ATF7IP2: variants seen among roughly 807,000 people sequenced by gnomAD.
The protein encoded by ATF7IP2 is activating transcription factor 7-interacting protein 2.
A neutral mutation model predicts 64.2 loss-of-function variants in ATF7IP2; 42 were observed. The observed-to-expected ratio is 0.65, with a 90% CI of 0.51 to 0.85. ATF7IP2 has a LOEUF of 0.85. Among genes scored for constraint, ATF7IP2 ranks in the 40% least tolerant of loss-of-function variants. The probability of loss-of-function intolerance (pLI) is 0.00; values close to 1 mark genes in which losing one functional copy is unlikely to be tolerated. For synonymous variants in ATF7IP2, 308 were observed against 272.8 expected (o/e 1.13, Z -1.27); for missense variants, 933 against 784.2 (o/e 1.19, Z -2.27).
chr16:10,474,051 C>A, intron 12 of ATF7IP2, 62 bp downstream of exon 12: 1 of 1,079,914 alleles, frequency 9.3e-7, no homozygotes, highest in Non-Finnish European at 1.4e-6. Context: ...ACTCATAATG[C>A]ACTGGGTCTA....
intron 6 of ATF7IP2, 29 bp downstream of exon 6, chr16:10,433,678 T>G: frequency 6.2e-7 from 1 of 1,607,710 alleles, no homozygotes; most frequent in Non-Finnish European, 8.5e-7. Context: ...AATGGAACTT[T>G]TACTTTTGAT....
At chr16:10,453,613 T>C (rs754003395) in intron 8 of ATF7IP2, among the ~76,000 whole-genome samples, 2 of 152,120 alleles carry the variant, frequency 1.3e-5, no homozygotes, top group Non-Finnish European at 2.9e-5. Context: ...GCAAGGAGCT[T>C]TCTTTGTTTA....
At chr16:10,392,206 A>T (rs912250193) in intron 1 of ATF7IP2, among the ~76,000 whole-genome samples, 6 of 151,668 alleles carry the variant, frequency 4.0e-5, no homozygotes, top group African/African-American at 1.5e-4. Flanking sequence ...ATGCCCAGCT[A>T]ATTTTTGTAC....
At chr16:10,398,967 G>T (rs1405448526) in intron 1 of ATF7IP2, among the ~76,000 whole-genome samples, 1 of 152,158 alleles carries the variant, frequency 6.6e-6, no homozygotes, top group Non-Finnish European at 1.5e-5. Context: ...TGCAAAATTA[G>T]CTGGGCGTGG....
intron 12 of ATF7IP2, among the ~76,000 whole-genome samples, chr16:10,480,294 TC>T (rs1318112063): frequency 3.9e-5 from 6 of 151,994 alleles, no homozygotes; most frequent in Non-Finnish European, 2.9e-5. Context: ...TTGTTTTCAA[TC>T]CATTCTTTTG....
At chr16:10,463,146 A>G (rs139767045) in intron 9 of ATF7IP2, among the ~76,000 whole-genome samples, 5 of 152,276 alleles carry the variant, frequency 3.3e-5, no homozygotes, top group East Asian at 1.9e-4. Flanking sequence ...GCTGTTTTAC[A>G]TCTTTGTCCT....
rs370929186 is a variant in ATF7IP2 at position 10,414,891 on chromosome 16, T to A, written c.-203+279T>A. 1.9e-4 allele frequency among the ~76,000 whole-genome samples: 29 copies of A among 152,242 alleles called. No individual in the cohort carries two copies. The East Asian group carries it at 4.6e-3, about 24-fold the overall frequency. On this transcript the variant is annotated intron_variant, in intron 2 of 13. Coordinates refer to ENST00000562102, the MANE Select transcript of ATF7IP2 (RefSeq NM_001393719.1). ...TGAGCTGTAGTGATTGTTATCTCTC[T>A]TTAAAATTAAATACCTAGTAACTAA...
intron 7 of ATF7IP2, among the ~76,000 whole-genome samples, chr16:10,439,459 C>A (rs1435466401): frequency 6.6e-6 from 1 of 151,186 alleles, no homozygotes; most frequent in African/African-American, 2.4e-5. Flanking sequence ...TGGTCTCAAT[C>A]TCCTGACCTC....
At position 10,430,611 on chromosome 16, in the gene ATF7IP2, G is replaced by A; in HGVS notation, c.-10G>A. ...TTAAATATGATGTCTTAAATTCCAGGATATGAAAGATGGCAAGTCCAGATA... is the reference window on the plus strand; with the variant it reads ...TTAAATATGATGTCTTAAATTCCAGAATATGAAAGATGGCAAGTCCAGATA... On this transcript the variant is annotated splice_region_variant and 5_prime_UTR_variant, in exon 5 of 14. Transcript: ENST00000562102. 1 of 1,581,804 alleles carries A rather than the reference G, an allele frequency of 6.3e-7. No individual in the cohort carries two copies. Among genetic ancestry groups the A allele is most frequent in the East Asian group, 2.3e-5 (1 of 44,406 alleles).
intron 6 of ATF7IP2, among the ~76,000 whole-genome samples, chr16:10,437,353 GC>G (rs1272668937): frequency 6.6e-6 from 1 of 152,146 alleles, no homozygotes; most frequent in Non-Finnish European, 1.5e-5. Flanking sequence ...GCTCTAACTA[GC>G]TGAGCTAACC....
Position 10,430,769 on chromosome 16 carries a change from A to G in ATF7IP2, c.149A>G (p.Asn50Ser), listed in dbSNP as rs764546516. Residue 50 changes from asparagine to serine, a missense_variant, in exon 5 of 14, where the codon AAT becomes AGT. Coordinates refer to ENST00000562102, the MANE Select transcript of ATF7IP2 (RefSeq NM_001393719.1). Reference sequence around the variant, plus strand: ...ATTGGGAGTAATGTTCCAAGCGGTAATCAGAGTTTCAGTCCTAGTGTCATA... The same window carrying G: ...ATTGGGAGTAATGTTCCAAGCGGTAGTCAGAGTTTCAGTCCTAGTGTCATA... ...TAIGSNVPSG[N>S]QSFSPSVITR... is the part of the protein sequence containing the mutation. The G allele has an allele frequency of 1.2e-6, 2 of 1,609,494 alleles. No homozygotes were observed. Among genetic ancestry groups the G allele is most frequent in the East Asian group, 2.2e-5 (1 of 44,630 alleles).
intron 8 of ATF7IP2, among the ~76,000 whole-genome samples, chr16:10,453,050 C>T (rs1481185079): frequency 5.3e-5 from 8 of 152,170 alleles, no homozygotes; most frequent in Non-Finnish European, 1.2e-4. Context: ...CGAGCCAGAA[C>T]ACTTGGCTCC....
intron 9 of ATF7IP2, among the ~76,000 whole-genome samples, chr16:10,463,314 C>T (rs937106529): frequency 1.3e-5 from 2 of 152,186 alleles, no homozygotes; most frequent in Non-Finnish European, 2.9e-5. Flanking sequence ...TTAAATATGT[C>T]CACAAATTTT....
intron 3 of ATF7IP2, among the ~76,000 whole-genome samples, chr16:10,421,615 A>C (rs2047990340): frequency 6.6e-6 from 1 of 152,178 alleles, no homozygotes. Flanking sequence ...TAGTAGTCTG[A>C]ATTTTGTCAG....
chr16:10,460,304 AAGGAG>A (rs2049331980), intron 9 of ATF7IP2, among the ~76,000 whole-genome samples: 1 of 152,198 alleles, frequency 6.6e-6, no homozygotes, highest in East Asian at 1.9e-4. Context: ...GGTGTGGACA[AAGGAG>A]TATTATATTT....
intron 1 of ATF7IP2, among the ~76,000 whole-genome samples, chr16:10,405,477 C>T (rs1232815012): frequency 6.6e-6 from 1 of 152,212 alleles, no homozygotes; most frequent in African/African-American, 2.4e-5. Flanking sequence ...TTGTAAGCCC[C>T]CCACCATTTT....
intron 1 of ATF7IP2, among the ~76,000 whole-genome samples, chr16:10,405,304 A>T (rs1371705600): frequency 4.6e-5 from 7 of 152,030 alleles, no homozygotes; most frequent in African/African-American, 1.7e-4. Flanking sequence ...CAGGAGGCGG[A>T]GGTTGCAGTG....
At chr16:10,437,618 G>GGCTT (rs1369326687) in intron 6 of ATF7IP2, among the ~76,000 whole-genome samples, 1 of 152,112 alleles carries the variant, frequency 6.6e-6, no homozygotes, top group Non-Finnish European at 1.5e-5. Flanking sequence ...ACTGACTAAA[G>GGCTT]GGTCAAGTAG....
chr16:10,479,352 G>T (rs2050129629), intron 12 of ATF7IP2, among the ~76,000 whole-genome samples: 1 of 151,974 alleles, frequency 6.6e-6, no homozygotes, highest in Admixed American at 6.6e-5. Context: ...TCCGTTGTAG[G>T]GACATGGATG....
Sources: gnomAD v4.1 joint callset for allele counts (sites outside exome capture counted in the v4.1 genomes callset) on GRCh38, gnomAD v4.1.1 for gene constraint, MANE v1.5 for transcripts, NCBI Gene and HGNC (gene_info 2026-07-23, HGNC 2026-07-21) for gene names.